CACNB4: variants seen among roughly 807,000 people sequenced by gnomAD.
CACNB4 encodes the protein calcium voltage-gated channel auxiliary subunit beta 4.
Under a neutral mutation model 71.2 loss-of-function variants are expected in CACNB4, and 32 were observed. The observed-to-expected ratio is 0.45, with a 90% CI of 0.34 to 0.60. CACNB4 has a LOEUF of 0.60. Among genes scored for constraint, CACNB4 ranks in the 20% least tolerant of loss-of-function variants. The probability of loss-of-function intolerance (pLI) is 0.01; values close to 1 mark genes in which losing one functional copy is unlikely to be tolerated. For synonymous variants in CACNB4, 231 were observed against 236.9 expected (o/e 0.97, Z 0.23); for missense variants, 464 against 647.9 (o/e 0.72, Z 3.08).
chr2:151,952,659 A>T (rs1306294621), intron 2 of CACNB4, among the ~76,000 whole-genome samples: 2 of 152,208 alleles, frequency 1.3e-5, no homozygotes, highest in South Asian at 2.1e-4. Context: ...TCCAGAACTT[A>T]ATGGGCTGCC....
At chr2:151,866,814 T>A (rs1301102083) in intron 9 of CACNB4, 1 of 151,988 alleles carries the variant, frequency 6.6e-6, no homozygotes, top group Non-Finnish European at 1.5e-5. Context: ...CAGCTATTAC[T>A]TTTGCTACTG....
In CACNB4 at chr2:151,834,594, T is replaced by C. The variant is rs1250707293; in HGVS notation, c.*4525A>G. 1 of 152,006 alleles carries C rather than the reference T, an allele frequency of 6.6e-6. No homozygotes were observed. Among genetic ancestry groups the C allele is most frequent in the African/African-American group, 2.4e-5 (1 of 41,446 alleles). 9.4% of individuals were successfully genotyped at this position (152,006 alleles called of 1,614,324 possible). ...TTTTAAAAGTAATTTTTGAATGCTG[T>C]AGTTCTGGGTGCCCATATAAGCCAA... On this transcript the variant is annotated 3_prime_UTR_variant, in exon 14 of 14. Transcript: ENST00000539935.
At chr2:151,950,712 G>A (rs2099866720) in intron 2 of CACNB4, among the ~76,000 whole-genome samples, 1 of 152,112 alleles carries the variant, frequency 6.6e-6, no homozygotes, top group African/African-American at 2.4e-5. Flanking sequence ...CTGACTAAAA[G>A]GTCACATATT....
At chr2:151,974,219 C>G (rs2099873360) in intron 2 of CACNB4, among the ~76,000 whole-genome samples, 1 of 152,188 alleles carries the variant, frequency 6.6e-6, no homozygotes, top group Non-Finnish European at 1.5e-5. Context: ...TAATTAAATT[C>G]ACAATTGGAG....
intron 2 of CACNB4, among the ~76,000 whole-genome samples, chr2:152,048,048 A>C (rs561162909): frequency 6.6e-6 from 1 of 152,236 alleles, no homozygotes; most frequent in African/African-American, 2.4e-5. Context: ...CAGTGTTTGG[A>C]TTTTTGTGCA....
At chr2:151,861,612 AT>A (rs1391488113) in intron 9 of CACNB4, 2 of 152,020 alleles carry the variant, frequency 1.3e-5, no homozygotes, top group African/African-American at 4.8e-5. Context: ...GGAGGCCGAC[AT>A]GGGTGGATCA....
intron 2 of CACNB4, among the ~76,000 whole-genome samples, chr2:151,918,312 T>C (rs2099858078): frequency 6.6e-6 from 1 of 152,000 alleles, no homozygotes; most frequent in Non-Finnish European, 1.5e-5. Context: ...ACCATGGGAG[T>C]TGCAAAGATC....
chr2:151,902,557 C>T (rs1167208008), intron 2 of CACNB4, among the ~76,000 whole-genome samples: 1 of 152,100 alleles, frequency 6.6e-6, no homozygotes, highest in African/African-American at 2.4e-5. Flanking sequence ...TAAATCATAT[C>T]TGTCTTGACA....
intron 12 of CACNB4, among the ~76,000 whole-genome samples, chr2:151,847,315 G>A (rs553396721): frequency 2.2e-4 from 34 of 152,058 alleles, no homozygotes; most frequent in Non-Finnish European, 4.3e-4. Context: ...GGGAGGTCAT[G>A]ATTGCACCAC....
chr2:151,959,029 T>C (rs1398694963), intron 2 of CACNB4, among the ~76,000 whole-genome samples: 2 of 152,338 alleles, frequency 1.3e-5, no homozygotes, highest in South Asian at 2.1e-4. Flanking sequence ...CAATAATTCC[T>C]TGGAGTCTAA....
chr2:152,052,221 C>G (rs1169625950), intron 2 of CACNB4, among the ~76,000 whole-genome samples: 4 of 152,178 alleles, frequency 2.6e-5, no homozygotes, highest in Non-Finnish European at 2.9e-5. Context: ...TAACACGAAG[C>G]CTATTTTATA....
chr2:152,026,885 T>C (rs1033990428), intron 2 of CACNB4, among the ~76,000 whole-genome samples: 6 of 150,512 alleles, frequency 4.0e-5, no homozygotes, highest in South Asian at 2.1e-4. Flanking sequence ...ACTTGACCCA[T>C]TGACAGCATT....
intron 2 of CACNB4, among the ~76,000 whole-genome samples, chr2:151,887,041 C>T (rs1442418627): frequency 6.6e-6 from 1 of 151,942 alleles, no homozygotes; most frequent in Admixed American, 6.6e-5. Context: ...GTTGGAGAGG[C>T]GTCACCCAGA....
chr2:151,867,340 GC>G (rs1445614559), intron 9 of CACNB4: 2 of 152,166 alleles, frequency 1.3e-5, no homozygotes, highest in Non-Finnish European at 2.9e-5. Context: ...ACCAAGACCA[GC>G]CCTATTAAGT....
At chr2:151,939,216 A>C (rs2099863669) in intron 2 of CACNB4, among the ~76,000 whole-genome samples, 2 of 152,238 alleles carry the variant, frequency 1.3e-5, no homozygotes, top group African/African-American at 2.4e-5. Flanking sequence ...GACTTCCAAA[A>C]TGATTGTGTT....
chr2:152,090,112 G>C (rs1023462239), intron 2 of CACNB4, among the ~76,000 whole-genome samples: 13 of 152,242 alleles, frequency 8.5e-5, no homozygotes, highest in Admixed American at 7.8e-4. Context: ...TGAGGAAGAT[G>C]AGTATGGACA....
In CACNB4 at chr2:151,834,470, C is replaced by A. The variant is rs1022749908; in HGVS notation, c.*4649G>T. On this transcript the variant is annotated 3_prime_UTR_variant, in exon 14 of 14. Coordinates refer to ENST00000539935, the MANE Select transcript of CACNB4 (RefSeq NM_000726.5). ...GTCTTCTCATAATGTCCCTCAATTA[C>A]ATGAAGCATTTAGAATTAATCATTA... is the stretch of plus-strand genomic sequence containing the variant. The A allele has an allele frequency of 5.3e-5, 8 of 151,928 alleles. No individual in the cohort carries two copies. The highest frequency in any genetic ancestry group is 5.2e-4 in the Admixed American group (8 of 15,266). The allele number at this position is 151,928 out of a possible 1,614,324, so 9.4% of individuals were successfully genotyped here.
At chr2:152,015,504 C>A (rs1291404546) in intron 2 of CACNB4, among the ~76,000 whole-genome samples, 1 of 152,160 alleles carries the variant, frequency 6.6e-6, no homozygotes, top group African/African-American at 2.4e-5. Flanking sequence ...CTTCTTAGCA[C>A]AACTGGGGAC....
intron 2 of CACNB4, among the ~76,000 whole-genome samples, chr2:152,083,511 T>C (rs1201943536): frequency 6.6e-6 from 1 of 152,112 alleles, no homozygotes; most frequent in Non-Finnish European, 1.5e-5. Flanking sequence ...GCTACCACAA[T>C]AACGGGTGCT....
Sources: gnomAD v4.1 joint callset for allele counts (sites outside exome capture counted in the v4.1 genomes callset) on GRCh38, gnomAD v4.1.1 for gene constraint, MANE v1.5 for transcripts, NCBI Gene and HGNC (gene_info 2026-07-23, HGNC 2026-07-21) for gene names.